The following FILIP1 variants were observed in gnomAD, a reference collection of about 807,000 sequenced individuals.
FILIP1 encodes filamin A interacting protein 1, also known as filamin-A-interacting protein 1.
FILIP1 carries 61 observed loss-of-function variants against 102.1 expected under a neutral mutation model. That is an observed-to-expected ratio of 0.60 (90% CI 0.49 to 0.74). The LOEUF is 0.74. FILIP1 is among the 30% of genes least tolerant of loss of function. The pLI, the probability that FILIP1 is intolerant of heterozygous loss-of-function variation, is 0.00. For missense variants in FILIP1, 1,314 were observed against 1,441.2 expected, an observed-to-expected ratio of 0.91 and a Z score of 1.43; for synonymous variants, 491 against 526.9, an observed-to-expected ratio of 0.93 and a Z score of 0.93.
At chr6:75,304,657 T>G (rs573822767), downstream of FILIP1, among the ~76,000 whole-genome samples, 1 of 152,266 alleles carries the variant, frequency 6.6e-6, no homozygotes, top group African/African-American at 2.4e-5. Flanking sequence ...GGTTAAACCT[T>G]CAACCATCAA....
intron 2 of FILIP1, among the ~76,000 whole-genome samples, chr6:75,404,625 C>T (rs1197396943): frequency 2.6e-5 from 4 of 152,154 alleles, no homozygotes; most frequent in Non-Finnish European, 5.9e-5. Context: ...TCAGCATGTA[C>T]ATAATCATCC....
chr6:75,438,139 G>T, intron 1 of FILIP1, among the ~76,000 whole-genome samples: 1 of 152,162 alleles, frequency 6.6e-6, no homozygotes, highest in East Asian at 1.9e-4. Context: ...GCTGCGCACA[G>T]TTGTATGCCT....
At chr6:75,301,691 C>A (rs1450419224) in intron 6 of FILIP1, among the ~76,000 whole-genome samples, 1 of 152,132 alleles carries the variant, frequency 6.6e-6, no homozygotes, top group Non-Finnish European at 1.5e-5. Flanking sequence ...TATATTATGA[C>A]TCTAAGAGAG....
chr6:75,378,914 C>T (rs897074232), intron 2 of FILIP1, among the ~76,000 whole-genome samples: 2 of 152,064 alleles, frequency 1.3e-5, no homozygotes, highest in Non-Finnish European at 2.9e-5. Context: ...GTTTTGCCAC[C>T]ACCAAAATCT....
intron 1 of FILIP1, among the ~76,000 whole-genome samples, chr6:75,479,672 C>T (rs749244213): frequency 1.3e-5 from 2 of 151,512 alleles, no homozygotes; most frequent in Admixed American, 6.6e-5. Flanking sequence ...AGTTCAAGAC[C>T]AGTCAGGTCA....
intron 1 of FILIP1, among the ~76,000 whole-genome samples, chr6:75,467,677 G>A (rs182287563): frequency 2.8e-4 from 42 of 152,248 alleles, no homozygotes. Context: ...ATTTTAGAAC[G>A]AATTTTTTAA....
chr6:75,482,154 C>T (rs1398379491), intron 1 of FILIP1, among the ~76,000 whole-genome samples: 1 of 152,112 alleles, frequency 6.6e-6, no homozygotes, highest in African/African-American at 2.4e-5. Context: ...ATGCGTTCCA[C>T]TGGGACTTTA....
At chr6:75,324,106 C>T (rs746617901) in intron 4 of FILIP1, among the ~76,000 whole-genome samples, 3 of 152,140 alleles carry the variant, frequency 2.0e-5, no homozygotes, top group Non-Finnish European at 4.4e-5. Context: ...GTCAAACTGT[C>T]AGTGTTTGCC....
At chr6:75,416,390 A>G (rs1384128294) in intron 1 of FILIP1, among the ~76,000 whole-genome samples, 1 of 152,102 alleles carries the variant, frequency 6.6e-6, no homozygotes, top group Middle Eastern at 3.2e-3. Context: ...AACCAAAGGA[A>G]TATTTCTTGA....
chr6:75,348,802 T>G, intron 4 of FILIP1, among the ~76,000 whole-genome samples: 1 of 152,114 alleles, frequency 6.6e-6, no homozygotes. Context: ...TCAAAACAAG[T>G]CCCAGGCTGC....
At chr6:75,439,115 G>A (rs539896175) in intron 1 of FILIP1, among the ~76,000 whole-genome samples, 1 of 152,166 alleles carries the variant, frequency 6.6e-6, no homozygotes, top group Non-Finnish European at 1.5e-5. Flanking sequence ...GCAATTCCCT[G>A]GTTTGTTGAG....
At chr6:75,318,760 C>A (rs907012265) in intron 4 of FILIP1, among the ~76,000 whole-genome samples, 1 of 152,060 alleles carries the variant, frequency 6.6e-6, no homozygotes, top group African/African-American at 2.4e-5. Flanking sequence ...TTGTGCTGTG[C>A]ACCAACAAGA....
chr6:75,463,429 G>A (rs1399050843), intron 1 of FILIP1, among the ~76,000 whole-genome samples: 1 of 152,164 alleles, frequency 6.6e-6, no homozygotes, highest in African/African-American at 2.4e-5. Context: ...AGCTAATTAT[G>A]CTCAAGTATA....
chr6:75,324,943 G>T (rs1271037514), intron 4 of FILIP1, among the ~76,000 whole-genome samples: 1 of 152,130 alleles, frequency 6.6e-6, no homozygotes, highest in Admixed American at 6.6e-5. Flanking sequence ...ACTCAAGATG[G>T]ATCAAAGACT....
chr6:75,353,612 C>T lies in FILIP1; in HGVS notation c.556G>A (p.Glu186Lys). The T allele has an allele frequency of 1.2e-5, 20 of 1,614,194 alleles. No homozygotes were observed. Among genetic ancestry groups the T allele is most frequent in the Non-Finnish European group, 1.7e-5 (20 of 1,180,036 alleles). Residue 186 changes from glutamate (E) to lysine (K), a missense_variant, in exon 4 of 6, where the codon GAG (glutamate) becomes AAG (lysine). Physicochemically the swap from Glu to Lys is moderately conservative, Grantham distance 56. This residue lies in a region of FILIP1 where 494 missense variants were observed against 511.2 expected (regional missense o/e 0.97). Coordinates refer to ENST00000237172, the MANE Select transcript of FILIP1 (RefSeq NM_015687.5). ...ATGTAGTCAGTGTGTTTATGCTTCTCGTTCTCTAACTCGTATACGGTGCGC... is the reference window on the plus strand; with the variant it reads ...ATGTAGTCAGTGTGTTTATGCTTCTTGTTCTCTAACTCGTATACGGTGCGC... Reference protein sequence around the residue: ...HRRTVYELENEKHKHTDYMNK... With the variant: ...HRRTVYELENKKHKHTDYMNK...
intron 4 of FILIP1, among the ~76,000 whole-genome samples, chr6:75,348,968 C>T (rs144702397): frequency 5.9e-5 from 9 of 152,266 alleles, no homozygotes; most frequent in Non-Finnish European, 1.3e-4. Flanking sequence ...GGGTGGGGAA[C>T]CTACACACAA....
Position 75,313,778 on chromosome 6 carries a change from T to C in FILIP1, c.2054A>G (p.Lys685Arg), listed in dbSNP as rs1182119353. Residue 685 changes from lysine (K) to arginine (R), a missense_variant, in exon 5 of 6, where the codon AAG (lysine) becomes AGG (arginine). Lys to Arg is a conservative substitution (Grantham distance 26, BLOSUM62 2). Transcript: ENST00000237172. The surrounding 1 kb of genome is among the most constrained non-coding windows in gnomAD (Gnocchi z 4.2). ...NFLSQQLEEI[K>R]HQIAKNKAIE... ...TGCTTTATTCTTGGCAATTTGGTGC[T>C]TGATCTCCTCTAGTTGTTGAGAGAG... 5 of 1,601,708 alleles carry C rather than the reference T, an allele frequency of 3.1e-6. No individual in the cohort carries two copies. The African/African-American group carries it at 4.0e-5, about 13-fold the overall frequency.
chr6:75,401,139 C>T (rs190930149), intron 2 of FILIP1, among the ~76,000 whole-genome samples: 3 of 152,226 alleles, frequency 2.0e-5, no homozygotes, highest in African/African-American at 7.2e-5. Context: ...TTGTGGACAC[C>T]AGTAGTCTGG....
At chr6:75,316,131 A>G (rs1318381000) in intron 4 of FILIP1, among the ~76,000 whole-genome samples, 1 of 152,244 alleles carries the variant, frequency 6.6e-6, no homozygotes, top group Non-Finnish European at 1.5e-5. Context: ...TATGGCATTT[A>G]TGAATATCTG....
Sources: allele counts gnomAD v4.1 joint callset (sites outside exome capture counted in the v4.1 genomes callset), GRCh38; gene constraint gnomAD v4.1.1; regional missense constraint gnomAD v4.1.1; non-coding constraint Gnocchi (gnomAD v3.1); transcripts MANE v1.5; gene names NCBI Gene and HGNC (gene_info 2026-07-23, HGNC 2026-07-21).